SIRT5: variants seen among roughly 807,000 people sequenced by gnomAD.
SIRT5 encodes the protein NAD-dependent protein deacylase sirtuin-5, mitochondrial.
A neutral mutation model predicts 40.0 loss-of-function variants in SIRT5; 26 were observed. That is an observed-to-expected ratio of 0.65 (90% CI 0.48 to 0.90). The LOEUF (loss-of-function observed/expected upper bound fraction) is 0.90, where lower values mean the gene tolerates loss of function less well. Among genes scored for constraint, SIRT5 ranks in the 40% least tolerant of loss-of-function variants. The probability of loss-of-function intolerance (pLI) is 0.00; values close to 1 mark genes in which losing one functional copy is unlikely to be tolerated. For missense variants in SIRT5, 401 were observed against 402.4 expected (o/e 1.00, Z 0.03); for synonymous variants, 146 against 149.1 (o/e 0.98, Z 0.15).
chr6:13,587,988 C>T (rs971113850), intron 3 of SIRT5, among the ~76,000 whole-genome samples: 2 of 152,026 alleles, frequency 1.3e-5, no homozygotes, highest in African/African-American at 2.4e-5. Context: ...TTTTAATCTT[C>T]GTAACATGCC....
intron 3 of SIRT5, chr6:13,584,925 C>T (rs1759862863): frequency 6.6e-6 from 1 of 152,186 alleles, no homozygotes; most frequent in Admixed American, 6.5e-5. Flanking sequence ...GGCCCTTAGT[C>T]TATAGTGAAC....
chr6:13,600,812 T>C (rs1762275351), intron 8 of SIRT5, 22 bp from the exon 9 acceptor site: 1 of 1,566,210 alleles, frequency 6.4e-7, no homozygotes, highest in Admixed American at 1.7e-5. Flanking sequence ...TGTTTGTTCA[T>C]CTCCGTGTAC....
In SIRT5 at chr6:13,588,501, G is replaced by A. The variant is rs762218110; in HGVS notation, c.249+37G>A. 6.8e-5 allele frequency: 108 copies of A among 1,598,164 alleles called. 4 individuals are homozygous for A. In the South Asian group the frequency reaches 1.1e-3, roughly 17 times the overall value. On this transcript the variant is annotated intron_variant, in intron 4 of 9. Coordinates refer to ENST00000606117, the MANE Select transcript of SIRT5 (RefSeq NM_012241.5). Reference sequence around the variant, plus strand: ...TTCCAGAACATTAAAAGCCTCTGTCGAATGAAACCATAACAGAGTTTGACT... The same window carrying A: ...TTCCAGAACATTAAAAGCCTCTGTCAAATGAAACCATAACAGAGTTTGACT...
At chr6:13,591,933 T>C in intron 5 of SIRT5, 39 bp downstream of exon 5, 1 of 1,575,588 alleles carries the variant, frequency 6.3e-7, no homozygotes, top group Non-Finnish European at 8.7e-7. Flanking sequence ...GAACCAGCTT[T>C]AAAACACCTG....
At chr6:13,604,795 G>A (rs541564178) in intron 9 of SIRT5, 1 of 1,128,570 alleles carries the variant, frequency 8.9e-7, no homozygotes, top group Non-Finnish European at 1.1e-6. Context: ...ACCTGTTTCA[G>A]CTGCTACTTC....
intron 8 of SIRT5, 33 bp from the exon 9 acceptor site, chr6:13,600,801 C>T: frequency 6.7e-7 from 1 of 1,491,350 alleles, no homozygotes; most frequent in Non-Finnish European, 9.3e-7. Flanking sequence ...TGTCGTCTGG[C>T]TGTTTGTTCA....
chr6:13,597,985 A>G (rs1239889149), intron 7 of SIRT5, among the ~76,000 whole-genome samples: 1 of 152,284 alleles, frequency 6.6e-6, no homozygotes, highest in African/African-American at 2.4e-5. Context: ...TAGACTAAAC[A>G]AAGTTAAAAT....
Position 13,591,726 on chromosome 6 carries a change from C to T in SIRT5, c.307C>T (p.His103Tyr), listed in dbSNP as rs766978324. ...CCCGTCCCGGGTGTGGGAGTTCTACCACTACCGGCGGGAGGTCATGGGGAG... is the reference window on the plus strand; with the variant it reads ...CCCGTCCCGGGTGTGGGAGTTCTACTACTACCGGCGGGAGGTCATGGGGAG... ...HNPSRVWEFYHYRREVMGSKE... is the reference protein window; with the variant it reads ...HNPSRVWEFYYYRREVMGSKE... The change falls in exon 5 of 10, where the codon CAC (histidine) becomes TAC (tyrosine). Residue 103 changes from histidine to tyrosine, a missense_variant. Transcript: ENST00000606117. 6.2e-7 allele frequency: 1 copy of T among 1,610,408 alleles called. No homozygotes were observed.
At chr6:13,605,676 A>G in intron 9 of SIRT5, 17 of 985,432 alleles carry the variant, frequency 1.7e-5, no homozygotes, top group Non-Finnish European at 2.0e-5. Flanking sequence ...TCCGATGCTT[A>G]TATTGGATGA....
At chr6:13,610,600 C>T (rs757546437) in intron 9 of SIRT5, among the ~76,000 whole-genome samples, 20 of 152,096 alleles carry the variant, frequency 1.3e-4, no homozygotes, top group Admixed American at 1.3e-4. Flanking sequence ...CGGAAGAAGG[C>T]TGAATGTGGA....
At position 13,611,803 on chromosome 6, in the gene SIRT5, G is replaced by A; in HGVS notation, c.871G>A (p.Gly291Arg). ...ATNRFRFHFQ[G>R]PCGTTLPEAL... ...CTTCTCTTTCAGGTTTCATTTCCAG[G>A]GACCCTGTGGAACGACTCTTCCTGA... Residue 291 changes from glycine to arginine, a missense_variant, in exon 10 of 10, where the codon GGA becomes AGA. By Grantham distance (125) the Gly-to-Arg change is moderately radical (BLOSUM62 -2). Coordinates refer to ENST00000606117, the MANE Select transcript of SIRT5 (RefSeq NM_012241.5). 6.2e-7 allele frequency: 1 copy of A among 1,613,478 alleles called. No individual in the cohort carries two copies. Among genetic ancestry groups the A allele is most frequent in the Non-Finnish European group, 8.5e-7 (1 of 1,179,494 alleles).
chr6:13,608,333 C>G (rs1763388696), intron 9 of SIRT5, among the ~76,000 whole-genome samples: 1 of 152,132 alleles, frequency 6.6e-6, no homozygotes, highest in Admixed American at 6.5e-5. Context: ...TGCCTGTAAT[C>G]CCAGCACTTT....
intron 2 of SIRT5, among the ~76,000 whole-genome samples, chr6:13,580,954 G>A (rs1346401895): frequency 6.6e-6 from 1 of 152,142 alleles, no homozygotes; most frequent in Non-Finnish European, 1.5e-5. Context: ...TGCCACCATG[G>A]CTGGCCCTTT....
chr6:13,601,284 A>C lies in SIRT5; in HGVS notation c.857+335A>C, dbSNP rs539870693. Among the ~76,000 whole-genome samples, 93 of 152,334 alleles carry C rather than the reference A, an allele frequency of 6.1e-4. No individual in the cohort carries two copies. The South Asian group carries it at 0.019, about 31-fold the overall frequency. On this transcript the variant is annotated intron_variant, in intron 9 of 9. Transcript: ENST00000606117. ...TAGGTTACCCAAATGCTCCGCAAGTAAGCCTGGGAGATGCCCTTGCAGAAC... is the reference window on the plus strand; with the variant it reads ...TAGGTTACCCAAATGCTCCGCAAGTCAGCCTGGGAGATGCCCTTGCAGAAC...
intron 7 of SIRT5, 117 bp from the exon 8 acceptor site, chr6:13,598,915 A>G (rs892013485): frequency 1.7e-6 from 2 of 1,182,540 alleles, no homozygotes; most frequent in South Asian, 1.5e-5. Flanking sequence ...TGTAGGGAAT[A>G]AGAGGCATCA....
chr6:13,591,097 G>A (rs150711818), intron 4 of SIRT5, among the ~76,000 whole-genome samples: 20 of 152,036 alleles, frequency 1.3e-4, no homozygotes, highest in Non-Finnish European at 1.5e-5. Context: ...AGTTGTGTGT[G>A]TGTAGATATG....
intron 8 of SIRT5, 29 bp downstream of exon 8, chr6:13,599,184 A>G: frequency 6.2e-7 from 1 of 1,608,316 alleles, no homozygotes; most frequent in Non-Finnish European, 8.5e-7. Context: ...TAACCCCAGG[A>G]CAGGACTGGA....
chr6:13,607,991 A>C lies in SIRT5; in HGVS notation c.858-3799A>C, dbSNP rs1763344820. 6.6e-6 allele frequency among the ~76,000 whole-genome samples: 1 copy of C among 152,090 alleles called. No homozygotes were observed. Among genetic ancestry groups the C allele is most frequent in the African/African-American group, 2.4e-5 (1 of 41,412 alleles). On this transcript the variant is annotated intron_variant, in intron 9 of 9. Transcript: ENST00000606117. The surrounding 1 kb of genome is among the most constrained non-coding windows in gnomAD (Gnocchi z 4.0). Reference sequence around the variant, plus strand: ...CCCAGGCTGGTCTCAAACTACTGACATCAGGCAATCTGCCTAGCTCAAGCT... The same window carrying C: ...CCCAGGCTGGTCTCAAACTACTGACCTCAGGCAATCTGCCTAGCTCAAGCT...
At chr6:13,589,942 A>G (rs1760614142) in intron 4 of SIRT5, among the ~76,000 whole-genome samples, 1 of 152,130 alleles carries the variant, frequency 6.6e-6, no homozygotes, top group Non-Finnish European at 1.5e-5. Context: ...TTCCTGTGCC[A>G]CCTATAAACT....
Sources: gnomAD v4.1 joint callset for allele counts (sites outside exome capture counted in the v4.1 genomes callset) on GRCh38, gnomAD v4.1.1 for gene constraint, Gnocchi (gnomAD v3.1) non-coding constraint, MANE v1.5 for transcripts, NCBI Gene and HGNC (gene_info 2026-07-23, HGNC 2026-07-21) for gene names.